Variants in DPYD observed in about 807,000 individuals in gnomAD.
DPYD encodes the protein dihydropyrimidine dehydrogenase.
Under a neutral mutation model 116.2 loss-of-function variants are expected in DPYD, and 109 were observed. That is an observed-to-expected ratio of 0.94 (90% confidence interval 0.80 to 1.10). The LOEUF is 1.10. Among genes scored for constraint, DPYD ranks in the 50% least tolerant of loss-of-function variants. DPYD has a pLI of 0.00. For synonymous variants in DPYD, 440 were observed against 432.0 expected, an observed-to-expected ratio of 1.02 and a Z score of -0.23; for missense variants, 1,302 against 1,254.5, an observed-to-expected ratio of 1.04 and a Z score of -0.57.
chr1:97,822,090 A>G (rs1327496398), intron 3 of DPYD, among the ~76,000 whole-genome samples: 1 of 151,482 alleles, frequency 6.6e-6, no homozygotes, highest in Non-Finnish European at 1.5e-5. Flanking sequence ...CAGAAAATAT[A>G]GAATGGAAAA....
At chr1:97,378,290 C>T (rs1314483731) in intron 15 of DPYD, among the ~76,000 whole-genome samples, 4 of 152,182 alleles carry the variant, frequency 2.6e-5, no homozygotes, top group African/African-American at 9.7e-5. Flanking sequence ...ACTGGTCCTA[C>T]ATATCTCTGT....
chr1:97,713,341 C>G (rs188294165), intron 5 of DPYD, among the ~76,000 whole-genome samples: 6 of 151,794 alleles, frequency 4.0e-5, no homozygotes, highest in African/African-American at 1.5e-4. Context: ...AAAAAGTAAC[C>G]GCAAATAATT....
chr1:97,814,918 A>G (rs1342622589), intron 3 of DPYD, among the ~76,000 whole-genome samples: 18 of 85,598 alleles, frequency 2.1e-4, no homozygotes, highest in South Asian at 4.0e-4. Context: ...AAAAAAAAAA[A>G]AAAGAAAGAG....
intron 16 of DPYD, among the ~76,000 whole-genome samples, chr1:97,327,976 C>T (rs1194187261): frequency 6.6e-6 from 1 of 152,082 alleles, no homozygotes; most frequent in Non-Finnish European, 1.5e-5. Context: ...TAATCCATAG[C>T]TCTGGGCCTG....
intron 13 of DPYD, among the ~76,000 whole-genome samples, chr1:97,466,010 A>C (rs1170620658): frequency 6.6e-6 from 1 of 152,164 alleles, no homozygotes; most frequent in Non-Finnish European, 1.5e-5. Context: ...CTGAGGTGGC[A>C]GGATGGCTTG....
chr1:97,580,891 G>A (rs527684472), intron 10 of DPYD, among the ~76,000 whole-genome samples: 1 of 152,126 alleles, frequency 6.6e-6, no homozygotes, highest in Admixed American at 6.5e-5. Context: ...CCTACTCCTT[G>A]GCTATTACTT....
At chr1:97,137,647 G>A (rs114102605) in intron 20 of DPYD, among the ~76,000 whole-genome samples, 1,728 of 152,250 alleles carry the variant, frequency 0.011, 15 homozygotes, top group South Asian at 0.035. Context: ...AATATTGCTG[G>A]TTTGAGAGCA....
chr1:97,090,857 G>C (rs1451896244), intron 21 of DPYD, among the ~76,000 whole-genome samples: 2 of 152,122 alleles, frequency 1.3e-5, no homozygotes, highest in African/African-American at 2.4e-5. Context: ...GGACCATGCC[G>C]TGTCTGTTTT....
chr1:97,291,133 T>C (rs1280664267), intron 18 of DPYD, among the ~76,000 whole-genome samples: 2 of 152,156 alleles, frequency 1.3e-5, no homozygotes, highest in South Asian at 2.1e-4. Context: ...AAAACCACAA[T>C]GATATACCAT....
chr1:97,707,869 T>C (rs186727529), intron 5 of DPYD, among the ~76,000 whole-genome samples: 10 of 152,204 alleles, frequency 6.6e-5, no homozygotes, highest in Admixed American at 5.9e-4. Flanking sequence ...TATTGTTGGG[T>C]TGTAAGAGAC....
chr1:97,853,189 T>C (rs1670653983), intron 2 of DPYD, among the ~76,000 whole-genome samples: 1 of 152,250 alleles, frequency 6.6e-6, no homozygotes, highest in African/African-American at 2.4e-5. Context: ...CATAACCCAG[T>C]GCTTGTTCTA....
rs1327701478 is a variant in DPYD, at chr1:97,245,801, C to T, written c.2300-10807G>A. ...TCACAATTTCTTTTCTCTCTGAAATCCTGTGCTCTGTTTACTCTGTGGGTG... is the reference window on the plus strand; with the variant it reads ...TCACAATTTCTTTTCTCTCTGAAATTCTGTGCTCTGTTTACTCTGTGGGTG... On this transcript the variant is annotated intron_variant, in intron 18 of 22. Transcript: ENST00000370192. 5.3e-5 allele frequency among the ~76,000 whole-genome samples: 8 copies of T among 152,108 alleles called. No individual in the cohort carries two copies. In the East Asian group the frequency reaches 1.5e-3, roughly 29 times the overall value.
chr1:97,835,683 G>C (rs1157214200), intron 2 of DPYD, among the ~76,000 whole-genome samples: 1 of 151,994 alleles, frequency 6.6e-6, no homozygotes, highest in African/African-American at 2.4e-5. Flanking sequence ...GTTATATTTT[G>C]ATTGAGTCTC....
chr1:97,154,829 C>T (rs775906841), intron 20 of DPYD, among the ~76,000 whole-genome samples: 9 of 152,010 alleles, frequency 5.9e-5, no homozygotes, highest in Non-Finnish European at 8.8e-5. Context: ...GTGATGGACA[C>T]ACCAACATCT....
intron 2 of DPYD, chr1:97,855,388 T>C (rs1291818743): frequency 6.6e-6 from 1 of 152,178 alleles, no homozygotes; most frequent in East Asian, 1.9e-4. Context: ...AACAGACTAC[T>C]GGAGTTTTTG....
At chr1:97,411,207 C>T (rs574934347) in intron 14 of DPYD, among the ~76,000 whole-genome samples, 13 of 152,216 alleles carry the variant, frequency 8.5e-5, no homozygotes, top group African/African-American at 2.4e-4. Flanking sequence ...TCTTTTTCCC[C>T]GTGAGATCAT....
chr1:97,799,204 T>G (rs1400825510), intron 3 of DPYD, among the ~76,000 whole-genome samples: 2 of 152,052 alleles, frequency 1.3e-5, no homozygotes, highest in Middle Eastern at 3.4e-3. Flanking sequence ...TCCACAGTGG[T>G]ACACCTCCTC....
chr1:97,730,282 C>A (rs1490328170), intron 4 of DPYD, among the ~76,000 whole-genome samples: 1 of 152,048 alleles, frequency 6.6e-6, no homozygotes, highest in East Asian at 1.9e-4. Flanking sequence ...AGTGCAGTGG[C>A]GATATCTTGG....
chr1:97,527,319 T>C (rs771500022), intron 12 of DPYD, among the ~76,000 whole-genome samples: 12 of 152,076 alleles, frequency 7.9e-5, no homozygotes, highest in East Asian at 1.9e-4. Flanking sequence ...CCTCGTGATC[T>C]GCCTGCCTTG....
Sources: gnomAD v4.1 joint callset for allele counts (sites outside exome capture counted in the v4.1 genomes callset) on GRCh38, gnomAD v4.1.1 for gene constraint, MANE v1.5 for transcripts, NCBI Gene and HGNC (gene_info 2026-07-23, HGNC 2026-07-21) for gene names.